The following ERG28 variants were observed in gnomAD, a reference collection of about 807,000 sequenced individuals.
ERG28 encodes ergosterol biosynthesis 28 homolog.
In ERG28, 9 loss-of-function variants were observed where a neutral mutation model predicts 15.7. That is an observed-to-expected ratio of 0.57 (90% CI 0.35 to 1.00). The LOEUF is 1.00. Ranked by LOEUF, ERG28 falls within the 50% of genes least tolerant of loss-of-function variation. The pLI, the probability that ERG28 is intolerant of heterozygous loss-of-function variation, is 0.02. For missense variants in ERG28, 117 were observed against 173.3 expected (o/e 0.68, Z 1.82); for synonymous variants, 61 against 68.4 (o/e 0.89, Z 0.53).
intron 3 of ERG28, among the ~76,000 whole-genome samples, chr14:75,654,472 T>C (rs1890572774): frequency 1.3e-5 from 2 of 152,224 alleles, no homozygotes; most frequent in Admixed American, 6.5e-5. Flanking sequence ...AGTTTACTTG[T>C]GGGTTCCTCT....
rs779320495 is a variant in ERG28, at chr14:75,651,797, C to A, written c.317G>T (p.Gly106Val). 3.1e-6 allele frequency: 5 copies of A among 1,614,006 alleles called. No homozygotes were observed. Among genetic ancestry groups the A allele is most frequent in the Non-Finnish European group, 4.2e-6 (5 of 1,179,900 alleles). The change falls in exon 4 of 5, where the codon GGC becomes GTC. Residue 106 changes from glycine to valine, a missense_variant. Coordinates refer to ENST00000256319, the MANE Select transcript of ERG28 (RefSeq NM_007176.4). ...TGCCACCATCAGGGGTGCCAGGACG[C>A]CAATCGTGGGAGCTGCAGTTCCATA... Reference protein sequence around the residue: ...FVYGTAAPTIGVLAPLMVASF... With the variant: ...FVYGTAAPTIVVLAPLMVASF...
In ERG28 at chr14:75,651,376, G is replaced by T; in HGVS notation, c.*179C>A. On this transcript the variant is annotated 3_prime_UTR_variant, in exon 5 of 5. Coordinates refer to ENST00000256319, the MANE Select transcript of ERG28 (RefSeq NM_007176.4). Reference sequence around the variant, plus strand: ...TTTAAAATTATTCTTTAAATTGTACGTACATGTTATATACTTTTCAGTATG... The same window carrying T: ...TTTAAAATTATTCTTTAAATTGTACTTACATGTTATATACTTTTCAGTATG... 2 of 532,076 alleles carry T rather than the reference G, an allele frequency of 3.8e-6. No individual in the cohort carries two copies. The highest frequency in any genetic ancestry group is 3.3e-5 in the South Asian group (1 of 30,106). The allele number at this position is 532,076 out of a possible 1,614,324, so 33.0% of individuals were successfully genotyped here.
At chr14:75,652,922 A>C (rs1001123129) in intron 3 of ERG28, among the ~76,000 whole-genome samples, 1 of 146,786 alleles carries the variant, frequency 6.8e-6, no homozygotes, top group African/African-American at 2.5e-5. Context: ...CTCTTGGGTC[A>C]AGTGATTCTC....
rs373720743 is a variant in ERG28 at position 75,651,932 on chromosome 14, G to A, written c.225-43C>T. On this transcript the variant is annotated intron_variant, in intron 3 of 4. Coordinates refer to ENST00000256319, the MANE Select transcript of ERG28 (RefSeq NM_007176.4). ...GAAATGGGAACCAAAGTTACTGTTT[G>A]TTCAGAACAGAGGAAAAGTATCAGA... is the stretch of plus-strand genomic sequence containing the variant. The A allele has an allele frequency of 8.0e-6, 12 of 1,508,828 alleles. No homozygotes were observed. In the African/African-American group the frequency reaches 1.7e-4, roughly 21 times the overall value. 93.5% of individuals were successfully genotyped at this position (1,508,828 alleles called of 1,614,324 possible). A position where few individuals can be genotyped will look rare whatever the true frequency, so the allele number is the denominator to read the frequency against.
chr14:75,652,341 TG>T (rs1417253604), intron 3 of ERG28, among the ~76,000 whole-genome samples: 5 of 152,186 alleles, frequency 3.3e-5, no homozygotes, highest in Admixed American at 2.0e-4. Context: ...AACGGCCTCA[TG>T]GGGAGTAAGG....
intron 2 of ERG28, among the ~76,000 whole-genome samples, chr14:75,655,322 G>C (rs1890583732): frequency 6.6e-6 from 1 of 152,224 alleles, no homozygotes; most frequent in African/African-American, 2.4e-5. Context: ...TTTGGGGAAC[G>C]TTGTAGAGAC....
chr14:75,659,869 C>A (rs927332736), intron 1 of ERG28, among the ~76,000 whole-genome samples: 2 of 2,680 alleles, frequency 7.5e-4, no homozygotes, highest in Non-Finnish European at 1.5e-3. Flanking sequence ...ACACCGCCGC[C>A]CCCCCCCGCC....
At chr14:75,653,621 A>G (rs1356315117) in intron 3 of ERG28, among the ~76,000 whole-genome samples, 1 of 151,932 alleles carries the variant, frequency 6.6e-6, no homozygotes, top group Non-Finnish European at 1.5e-5. Flanking sequence ...AAAAAAAAAA[A>G]AGAGATAAGT....
intron 1 of ERG28, among the ~76,000 whole-genome samples, chr14:75,659,869 C>T (rs927332736): frequency 0.029 from 79 of 2,686 alleles, no homozygotes; most frequent in East Asian, 0.012. Context: ...ACACCGCCGC[C>T]CCCCCCCGCC....
Position 75,651,149 on chromosome 14 carries a change from T to G in ERG28, c.*406A>C, listed in dbSNP as rs1890519623. On this transcript the variant is annotated 3_prime_UTR_variant, in exon 5 of 5. Coordinates refer to ENST00000256319, the MANE Select transcript of ERG28 (RefSeq NM_007176.4). Reference sequence around the variant, plus strand: ...CCTTGAGGCAGCCCTTGGTCACAGCTGCTCTGGGTGGGCAGCAGGTTTAAG... The same window carrying G: ...CCTTGAGGCAGCCCTTGGTCACAGCGGCTCTGGGTGGGCAGCAGGTTTAAG... The G allele has an allele frequency of 6.0e-6, 1 of 166,704 alleles. No individual in the cohort carries two copies. The highest frequency in any genetic ancestry group is 1.3e-5 in the Non-Finnish European group (1 of 75,478). The allele number at this position is 166,704 out of a possible 1,614,324, so 10.3% of individuals were successfully genotyped here.
chr14:75,659,054 C>T (rs935141783), intron 1 of ERG28, among the ~76,000 whole-genome samples: 2 of 152,084 alleles, frequency 1.3e-5, no homozygotes, highest in African/African-American at 4.8e-5. Context: ...GTGCCAAGCA[C>T]CTAACATATA....
chr14:75,654,859 G>A (rs1316041433), intron 3 of ERG28, 27 bp downstream of exon 3: 2 of 1,585,264 alleles, frequency 1.3e-6, no homozygotes, highest in Non-Finnish European at 1.7e-6. Flanking sequence ...ACAAAAGGAT[G>A]CTAAAGCTCT....
chr14:75,651,819 C>T lies in ERG28; in HGVS notation c.295G>A (p.Gly99Arg). Reference protein sequence around the residue: ...GHFLSELFVYGTAAPTIGVLA... With the variant: ...GHFLSELFVYRTAAPTIGVLA... ...ACGCCAATCGTGGGAGCTGCAGTTC[C>T]ATAGACAAACAACTCAGAGAGGAAA... is the stretch of plus-strand genomic sequence containing the variant. The change falls in exon 4 of 5, where the codon GGA becomes AGA. Residue 99 changes from glycine (G) to arginine (R), a missense_variant. Physicochemically the swap from Gly to Arg is moderately radical, Grantham distance 125. Coordinates refer to ENST00000256319, the MANE Select transcript of ERG28 (RefSeq NM_007176.4). 6.2e-7 allele frequency: 1 copy of T among 1,614,170 alleles called. No individual in the cohort carries two copies. The highest frequency in any genetic ancestry group is 8.5e-7 in the Non-Finnish European group (1 of 1,180,016).
chr14:75,657,452 G>A lies in ERG28; in HGVS notation c.51C>T (p.Ile17=). The stretch of plus-strand genomic sequence containing the variant: ...TCTGCAGCGTGTTCCCCATGGCTAT[G>A]ATGGACACCATAACCAGCCAACTTC... ...VLRSWLVMVS[I]IAMGNTLQSF... is the part of the protein sequence containing the mutation. Residue 17 remains isoleucine (I), a synonymous_variant, in exon 2 of 5, where the codon ATC becomes ATT. Coordinates refer to ENST00000256319, the MANE Select transcript of ERG28 (RefSeq NM_007176.4). The A allele has an allele frequency of 2.5e-6, 4 of 1,614,158 alleles. No individual in the cohort carries two copies. Among genetic ancestry groups the A allele is most frequent in the Non-Finnish European group, 3.4e-6 (4 of 1,180,012 alleles).
At position 75,650,054 on chromosome 14, in the gene ERG28, CAGG is replaced by C. The variant is rs1890503489; in HGVS notation, c.*1498_*1500del. 1 of 152,374 alleles carries C rather than the reference CAGG, an allele frequency of 6.6e-6. No homozygotes were observed. The highest frequency in any genetic ancestry group is 1.5e-5 in the Non-Finnish European group (1 of 68,206). 9.4% of individuals were successfully genotyped at this position (152,374 alleles called of 1,614,324 possible). On this transcript the variant is annotated 3_prime_UTR_variant, in exon 5 of 5. Coordinates refer to ENST00000256319, the MANE Select transcript of ERG28 (RefSeq NM_007176.4). Reference sequence around the variant, plus strand: ...GTCCCAGCTACTTGGGAAGCTGATGCAGGAGGATCACTTGAGCCCAGGAAGTTG... The same window carrying C: ...GTCCCAGCTACTTGGGAAGCTGATGCAGGATCACTTGAGCCCAGGAAGTTG...
rs542913047 is a variant in ERG28, at chr14:75,650,429, T to C, written c.*1126A>G. On this transcript the variant is annotated 3_prime_UTR_variant, in exon 5 of 5. Coordinates refer to ENST00000256319, the MANE Select transcript of ERG28 (RefSeq NM_007176.4). Reference sequence around the variant, plus strand: ...AGTACTCAACAAATATTTGCTGAAATAGCAATGGCCTTTTGGATACACACA... The same window carrying C: ...AGTACTCAACAAATATTTGCTGAAACAGCAATGGCCTTTTGGATACACACA... 6.6e-6 allele frequency: 1 copy of C among 152,368 alleles called. No homozygotes were observed. The highest frequency in any genetic ancestry group is 6.5e-5 in the Admixed American group (1 of 15,306). 9.4% of individuals were successfully genotyped at this position (152,368 alleles called of 1,614,324 possible). A position where few individuals can be genotyped will look rare whatever the true frequency, so the allele number is the denominator to read the frequency against.
At chr14:75,653,618 AAAAAG>A (rs1890558711) in intron 3 of ERG28, among the ~76,000 whole-genome samples, 1 of 152,070 alleles carries the variant, frequency 6.6e-6, no homozygotes, top group African/African-American at 2.4e-5. Flanking sequence ...AAAAAAAAAA[AAAAAG>A]AGATAAGTCT....
At chr14:75,657,600 G>A in intron 1 of ERG28, 67 bp from the exon 2 acceptor site, 2 of 1,457,330 alleles carry the variant, frequency 1.4e-6, no homozygotes, top group South Asian at 2.5e-5. Context: ...AGCAGGAAGG[G>A]AGGAAGAATG....
Position 75,655,045 on chromosome 14 carries a change from T to G in ERG28, c.134-69A>C, listed in dbSNP as rs912044230. ...GAGGTTCCTTCCAAACTCCTCCTAT[T>G]TCACTGGTGGTTCATGGGAGATAGG... On this transcript the variant is annotated intron_variant, in intron 2 of 4. Transcript: ENST00000256319. 2.7e-6 allele frequency: 4 copies of G among 1,462,148 alleles called. No homozygotes were observed. In the African/African-American group the frequency reaches 5.6e-5, roughly 20 times the overall value. The allele number at this position is 1,462,148 out of a possible 1,614,324, so 90.6% of individuals were successfully genotyped here. A position where few individuals can be genotyped will look rare whatever the true frequency, so the allele number is the denominator to read the frequency against.
Sources: allele counts gnomAD v4.1 joint callset (sites outside exome capture counted in the v4.1 genomes callset), GRCh38; gene constraint gnomAD v4.1.1; transcripts MANE v1.5; gene names NCBI Gene and HGNC (gene_info 2026-07-23, HGNC 2026-07-21).